POLR1C: variants seen among roughly 807,000 people sequenced by gnomAD.
POLR1C encodes RNA polymerase I and III subunit C.
Under a neutral mutation model 38.3 loss-of-function variants are expected in POLR1C, and 42 were observed. That is an observed-to-expected ratio of 1.10 (90% CI 0.86 to 1.42). The LOEUF (loss-of-function observed/expected upper bound fraction) is 1.42. POLR1C is among the 40% of genes most tolerant of loss of function. The pLI is 0.00. For synonymous variants in POLR1C, 163 were observed against 163.9 expected (o/e 0.99, Z 0.04); for missense variants, 507 against 450.5 (o/e 1.13, Z -1.14).
chr6:43,554,938 CTTTT>C (rs555442611), intron 10 of POLR1C: 4 of 125,124 alleles, frequency 3.2e-5, no homozygotes, highest in African/African-American at 6.3e-5. Flanking sequence ...AGTTAATTCA[CTTTT>C]TTTTTTTTTT....
intron 9 of POLR1C, chr6:43,539,513 G>C: frequency 2.6e-6 from 4 of 1,554,712 alleles, no homozygotes; most frequent in Non-Finnish European, 3.5e-6. Context: ...GCCCAGCTTG[G>C]TGACGGGCAT....
chr6:43,559,486 C>T (rs1762293782), intron 10 of POLR1C, among the ~76,000 whole-genome samples: 1 of 152,094 alleles, frequency 6.6e-6, no homozygotes, highest in Admixed American at 6.5e-5. Flanking sequence ...TTTGCTTCCA[C>T]TCTCACTCCC....
intron 9 of POLR1C, chr6:43,549,857 G>T (rs758501416): frequency 1.9e-6 from 3 of 1,582,516 alleles, no homozygotes; most frequent in South Asian, 1.1e-5. Flanking sequence ...TTGTACTCAA[G>T]AAGTTAGAAT....
chr6:43,558,290 G>C (rs1178305197), intron 10 of POLR1C, among the ~76,000 whole-genome samples: 1 of 152,140 alleles, frequency 6.6e-6, no homozygotes, highest in Non-Finnish European at 1.5e-5. Flanking sequence ...CAATGTCTAA[G>C]TGCTGTGGGG....
chr6:43,546,990 G>A (rs1392676862), intron 9 of POLR1C, among the ~76,000 whole-genome samples: 2 of 152,128 alleles, frequency 1.3e-5, no homozygotes, highest in Non-Finnish European at 2.9e-5. Flanking sequence ...GCAGTAAGCT[G>A]TCTTTCTAGG....
intron 10 of POLR1C, among the ~76,000 whole-genome samples, chr6:43,560,759 C>G (rs1215353112): frequency 2.6e-5 from 4 of 152,148 alleles, no homozygotes; most frequent in African/African-American, 7.2e-5. Flanking sequence ...CTGTTTGGCT[C>G]AGGAAGAAGA....
rs1028977830 is a variant in POLR1C at position 43,539,571 on chromosome 6, C to A, written c.*4+10212C>A. 1.9e-4 allele frequency: 256 copies of A among 1,367,292 alleles called. 1 individual carries two copies. Among genetic ancestry groups the A allele is most frequent in the Admixed American group, 2.5e-4 (14 of 56,978 alleles). 84.7% of individuals were successfully genotyped at this position (1,367,292 alleles called of 1,614,324 possible). A position where few individuals can be genotyped will look rare whatever the true frequency, so the allele number is the denominator to read the frequency against. ...CCTCCGCGAGCTCCGCGGCCTCAGC[C>A]CCGGCCCGGTCCACGGCTGCGACCC... On this transcript the variant is annotated intron_variant, in intron 9 of 10. Transcript: ENST00000607635.
chr6:43,538,128 C>T (rs1794458715), intron 9 of POLR1C, among the ~76,000 whole-genome samples: 1 of 139,880 alleles, frequency 7.1e-6, no homozygotes, highest in African/African-American at 2.7e-5. Flanking sequence ...AATTTAGAGC[C>T]TAAGAGACAT....
At chr6:43,533,253 CACACACACACGAG>C (rs928441002), downstream of POLR1C, 6 of 141,430 alleles carry the variant, frequency 4.2e-5, no homozygotes, top group African/African-American at 1.8e-4. Context: ...CACACACACA[CACACACACACGAG>C]GAGGCAGGAA....
downstream of POLR1C, among the ~76,000 whole-genome samples, chr6:43,521,713 TAG>T (rs1793201331): frequency 6.6e-6 from 1 of 152,148 alleles, no homozygotes; most frequent in African/African-American, 2.4e-5. Flanking sequence ...GTATTTTTAG[TAG>T]AGACAGGGTT....
chr6:43,553,580 CAGAG>C (rs1010186370), intron 10 of POLR1C: 1 of 1,500,096 alleles, frequency 6.7e-7, no homozygotes, highest in Non-Finnish European at 8.9e-7. Flanking sequence ...GCAGAAGACA[CAGAG>C]AGACAATGGA....
intron 9 of POLR1C, chr6:43,547,517 G>C: frequency 8.0e-7 from 1 of 1,247,242 alleles, no homozygotes; most frequent in Non-Finnish European, 1.2e-6. Flanking sequence ...CACCAGTATA[G>C]AAAAAACAAA....
chr6:43,523,536 A>G (rs1582188230), downstream of POLR1C: 1 of 484,404 alleles, frequency 2.1e-6, no homozygotes, highest in Non-Finnish European at 4.0e-6. Context: ...CATTCTGTAC[A>G]GGTATGTGGC....
chr6:43,557,045 T>C (rs1209557319), intron 10 of POLR1C, among the ~76,000 whole-genome samples: 1 of 151,458 alleles, frequency 6.6e-6, no homozygotes, highest in Non-Finnish European at 1.5e-5. Flanking sequence ...GAAAAATCGC[T>C]TGAACCTCAG....
chr6:43,539,347 G>A, intron 9 of POLR1C: 2 of 1,579,524 alleles, frequency 1.3e-6, no homozygotes, highest in Non-Finnish European at 1.7e-6. Flanking sequence ...TGGTGCGCTG[G>A]CCAGCACGGG....
chr6:43,539,318 G>C (rs992320921), intron 9 of POLR1C: 2 of 1,567,636 alleles, frequency 1.3e-6, no homozygotes, highest in African/African-American at 2.7e-5. Context: ...GTCCCCGATA[G>C]CAACAAACGC....
downstream of POLR1C, chr6:43,526,165 TA>T (rs1336788910): frequency 2.0e-6 from 1 of 501,278 alleles, no homozygotes; most frequent in Non-Finnish European, 3.6e-6. Context: ...ATGCTGCAAA[TA>T]CTGAAGTTAC....
At chr6:43,549,173 T>G (rs1457257218) in intron 9 of POLR1C, among the ~76,000 whole-genome samples, 3 of 152,184 alleles carry the variant, frequency 2.0e-5, no homozygotes, top group Non-Finnish European at 4.4e-5. Context: ...GTGATTCTCC[T>G]GCCTCAGCCT....
intron 8 of POLR1C, chr6:43,526,796 CA>C: frequency 6.3e-7 from 1 of 1,585,308 alleles, no homozygotes; most frequent in Non-Finnish European, 8.6e-7. Flanking sequence ...TATATACTAC[CA>C]CAACAGCCAC....
Sources: gnomAD v4.1 joint callset for allele counts (sites outside exome capture counted in the v4.1 genomes callset) on GRCh38, gnomAD v4.1.1 for gene constraint, MANE v1.5 for transcripts, NCBI Gene and HGNC (gene_info 2026-07-23, HGNC 2026-07-21) for gene names.